The following RPS6KA2 variants were observed in gnomAD, a reference collection of about 807,000 sequenced individuals.
RPS6KA2 encodes ribosomal protein S6 kinase alpha-2.
RPS6KA2 carries 42 observed loss-of-function variants against 91.8 expected under a neutral mutation model. The observed-to-expected ratio is 0.46, with a 90% confidence interval of 0.36 to 0.59. RPS6KA2 has a LOEUF of 0.59. Among genes scored for constraint, RPS6KA2 ranks in the 20% least tolerant of loss-of-function variants. RPS6KA2 has a pLI of 0.00. For synonymous variants in RPS6KA2, 414 were observed against 393.6 expected, an observed-to-expected ratio of 1.05 and a Z score of -0.61; for missense variants, 798 against 978.5, an observed-to-expected ratio of 0.82 and a Z score of 2.46.
At chr6:166,468,851 G>A (rs1206128586) in intron 11 of RPS6KA2, among the ~76,000 whole-genome samples, 6 of 34,888 alleles carry the variant, frequency 1.7e-4, no homozygotes, top group East Asian at 1.1e-3. Context: ...GCGACAGAGC[G>A]AGACTAAAAA....
intron 2 of RPS6KA2, among the ~76,000 whole-genome samples, chr6:166,790,553 C>T (rs1014866484): frequency 6.6e-6 from 1 of 151,988 alleles, no homozygotes; most frequent in African/African-American, 2.4e-5. Flanking sequence ...CTCCAAGACA[C>T]ATAATTGTCA....
chr6:166,606,600 G>A (rs527433709), intron 1 of RPS6KA2, among the ~76,000 whole-genome samples: 18 of 152,262 alleles, frequency 1.2e-4, no homozygotes, highest in African/African-American at 4.1e-4. Flanking sequence ...GCCTGAGAAG[G>A]CACTTGTATC....
At chr6:166,791,201 CA>C (rs1779079041) in intron 2 of RPS6KA2, among the ~76,000 whole-genome samples, 1 of 152,026 alleles carries the variant, frequency 6.6e-6, no homozygotes, top group African/African-American at 2.4e-5. Flanking sequence ...AAAAAAAAAG[CA>C]AGGGTCGCAA....
Position 166,855,444 on chromosome 6 carries a change from A to G in RPS6KA2, c.123+2756T>C, listed in dbSNP as rs13215339. 1.3e-4 allele frequency among the ~76,000 whole-genome samples: 11 copies of G among 86,460 alleles called. No individual in the cohort carries two copies. The East Asian group carries it at 3.9e-3, about 31-fold the overall frequency. The allele number at this position is 86,460 out of a possible 152,430, so 56.7% of individuals were successfully genotyped here. On this transcript the variant is annotated intron_variant, in intron 2 of 21. Transcript: ENST00000503859. ...AAGAAGAAGAGGAAGAAGAGGAAGA[A>G]GAAGAGGAAGAAGAAGAGGAAGAGG...
intron 2 of RPS6KA2, among the ~76,000 whole-genome samples, chr6:166,672,812 C>G (rs1788508115): frequency 6.6e-6 from 1 of 152,210 alleles, no homozygotes; most frequent in Non-Finnish European, 1.5e-5. Context: ...ATCCTTGCCT[C>G]CTTCACAGAT....
exon 1 of RPS6KA2, chr6:166,862,108 C>T (rs1174484343): frequency 2.5e-6 from 4 of 1,614,256 alleles, no homozygotes; most frequent in Admixed American, 1.7e-5. Context: ...CTGCACTCAC[C>T]TCTATTTCCA....
rs16899426 is a variant in RPS6KA2, at chr6:166,768,749, T to C, written c.123+89451A>G. ...CTTCTGGGCTGCTCCCGGGTGACGC[T>C]GTGTGAGATCTGATTTGCTTTTTTC... On this transcript the variant is annotated intron_variant, in intron 2 of 21. Coordinates refer to the RPS6KA2 transcript ENST00000503859. 0.012 allele frequency among the ~76,000 whole-genome samples: 1,852 copies of C among 152,276 alleles called. 63 individuals carry two copies. In the East Asian group the frequency reaches 0.15, roughly 12 times the overall value.
At chr6:166,803,373 C>T (rs10946191) in intron 2 of RPS6KA2, among the ~76,000 whole-genome samples, 17,807 of 152,244 alleles carry the variant, frequency 0.12, 1,248 homozygotes, top group Middle Eastern at 0.18. Flanking sequence ...AGCTGATACG[C>T]TAATAACTAT....
chr6:166,776,301 C>T (rs1778617457), intron 2 of RPS6KA2, among the ~76,000 whole-genome samples: 1 of 152,170 alleles, frequency 6.6e-6, no homozygotes, highest in South Asian at 2.1e-4. Flanking sequence ...CCCACAGGCT[C>T]CAGAAATGAG....
chr6:166,480,539 G>T (rs1781177299), intron 10 of RPS6KA2, among the ~76,000 whole-genome samples: 1 of 132,564 alleles, frequency 7.5e-6, no homozygotes, highest in Non-Finnish European at 1.6e-5. Context: ...TTTTGAGAGA[G>T]AGTTTTGCTC....
At chr6:166,741,051 G>A (rs1790797177) in intron 2 of RPS6KA2, among the ~76,000 whole-genome samples, 1 of 152,226 alleles carries the variant, frequency 6.6e-6, no homozygotes, top group African/African-American at 2.4e-5. Flanking sequence ...CAGATGAGGA[G>A]GTAATGCAGG....
intron 2 of RPS6KA2, among the ~76,000 whole-genome samples, chr6:166,659,744 G>A (rs1300033194): frequency 1.3e-5 from 2 of 152,142 alleles, no homozygotes; most frequent in African/African-American, 4.8e-5. Context: ...GTGGCTTGAC[G>A]TCCTTTGCCC....
intron 12 of RPS6KA2, among the ~76,000 whole-genome samples, chr6:166,457,740 C>T (rs1257114755): frequency 6.6e-6 from 1 of 152,196 alleles, no homozygotes; most frequent in East Asian, 1.9e-4. Context: ...CCTATCTGCA[C>T]ACGCTCACAC....
intron 2 of RPS6KA2, among the ~76,000 whole-genome samples, chr6:166,706,463 C>T (rs4709126): frequency 0.026 from 4,007 of 152,314 alleles, 126 homozygotes; most frequent in Admixed American, 0.087. Context: ...AGGCGTCATA[C>T]AACCAAGAGT....
chr6:166,547,051 C>T (rs148476730), intron 1 of RPS6KA2, among the ~76,000 whole-genome samples: 65 of 152,270 alleles, frequency 4.3e-4, no homozygotes, highest in African/African-American at 1.3e-3. Flanking sequence ...TGGGCTCAAG[C>T]GATCCTTCCA....
Position 166,626,947 on chromosome 6 carries a change from T to C in RPS6KA2, c.73A>G (p.Lys25Glu), listed in dbSNP as rs1583342275. The C allele has an allele frequency of 1.9e-6, 3 of 1,561,310 alleles. No homozygotes were observed. In the Admixed American group the frequency reaches 5.4e-5, roughly 28 times the overall value. Residue 25 changes from lysine (K) to glutamate (E), a missense_variant, in exon 1 of 21, where the codon AAG becomes GAG. Transcript: ENST00000265678. This position sits in a 1 kb window ranked among gnomAD's most constrained non-coding sequence, Gnocchi z 4.1. ...SVYLRRKSRS[K>E]SSSLSRLEEE... ...TCGAGCCGGCTCAGGCTGGAGCTCTTGGAGCGCGACTTCCTGCGCAGGTAC... is the reference window on the plus strand; with the variant it reads ...TCGAGCCGGCTCAGGCTGGAGCTCTCGGAGCGCGACTTCCTGCGCAGGTAC...
intron 2 of RPS6KA2, among the ~76,000 whole-genome samples, chr6:166,799,592 GTT>G (rs60875272): frequency 0.61 from 88,118 of 143,918 alleles, 26,320 homozygotes; most frequent in South Asian, 0.68. Flanking sequence ...GCATTTTCAT[GTT>G]TTTTTTTTTT....
chr6:166,475,186 C>A (rs1261868625), intron 10 of RPS6KA2, among the ~76,000 whole-genome samples: 1 of 147,980 alleles, frequency 6.8e-6, no homozygotes, highest in Non-Finnish European at 1.5e-5. Context: ...TAGACTGGGT[C>A]ACCCCATGCT....
intron 3 of RPS6KA2, among the ~76,000 whole-genome samples, chr6:166,525,111 T>C (rs1256561636): frequency 6.6e-6 from 1 of 152,220 alleles, no homozygotes; most frequent in African/African-American, 2.4e-5. Flanking sequence ...TGACCAACCC[T>C]GTTTGATGAA....
Sources: gnomAD v4.1 joint callset for allele counts (sites outside exome capture counted in the v4.1 genomes callset) on GRCh38, gnomAD v4.1.1 for gene constraint, Gnocchi (gnomAD v3.1) non-coding constraint, MANE v1.5 for transcripts, NCBI Gene and HGNC (gene_info 2026-07-23, HGNC 2026-07-21) for gene names.